Variants in FHAD1 observed in about 807,000 individuals in gnomAD.
FHAD1 encodes forkhead-associated domain-containing protein 1.
A neutral mutation model predicts 191.3 loss-of-function variants in FHAD1; 146 were observed. The observed-to-expected ratio is 0.76, with a 90% CI of 0.67 to 0.88. The LOEUF (loss-of-function observed/expected upper bound fraction) is 0.88. Ranked by LOEUF, FHAD1 falls within the 40% of genes least tolerant of loss-of-function variation. FHAD1 has a pLI of 0.00. For synonymous variants in FHAD1, 616 were observed against 672.3 expected (o/e 0.92, Z 1.29); for missense variants, 1,635 against 1,785.8 (o/e 0.92, Z 1.52).
chr1:15,277,372 C>T lies in FHAD1; in HGVS notation c.300+4843C>T, dbSNP rs74053873. On this transcript the variant is annotated intron_variant, in intron 3 of 33. Coordinates refer to ENST00000688493, the MANE Select transcript of FHAD1 (RefSeq NM_001391957.1). Reference sequence around the variant, plus strand: ...GTTCAAACTCCAATGGCAATCTAGCCTTTCTGAGCCTCAGTTTCCAACTTT... The same window carrying T: ...GTTCAAACTCCAATGGCAATCTAGCTTTTCTGAGCCTCAGTTTCCAACTTT... Among the ~76,000 whole-genome samples the T allele has an allele frequency of 9.0e-3, 1,371 of 152,296 alleles. 24 individuals carry two copies. Among genetic ancestry groups the T allele is most frequent in the African/African-American group, 0.031 (1,292 of 41,550 alleles).
At chr1:15,353,345 C>CT (rs1396052023) in intron 20 of FHAD1, among the ~76,000 whole-genome samples, 1 of 152,166 alleles carries the variant, frequency 6.6e-6, no homozygotes, top group African/African-American at 2.4e-5. Context: ...CTCCCCAATG[C>CT]TAAATCTTCA....
At chr1:15,257,321 G>A (rs1250548128) in intron 2 of FHAD1, among the ~76,000 whole-genome samples, 1 of 152,162 alleles carries the variant, frequency 6.6e-6, no homozygotes, top group Non-Finnish European at 1.5e-5. Context: ...TCATCCAAGA[G>A]GCGAAACATG....
intron 18 of FHAD1, 27 bp downstream of exon 18, chr1:15,345,550 G>A: frequency 6.5e-7 from 1 of 1,537,800 alleles, no homozygotes. Context: ...AGAGTCGGCT[G>A]AGCCCCAGTC....
chr1:15,347,338 C>T (rs1689260443), intron 18 of FHAD1, among the ~76,000 whole-genome samples: 1 of 152,214 alleles, frequency 6.6e-6, no homozygotes, highest in Admixed American at 6.5e-5. Context: ...TGCAGAGGAT[C>T]TGTGGTTGGG....
At chr1:15,280,999 T>A (rs1196838284) in intron 3 of FHAD1, among the ~76,000 whole-genome samples, 1 of 152,226 alleles carries the variant, frequency 6.6e-6, no homozygotes, top group African/African-American at 2.4e-5. Context: ...GGAAATAGTA[T>A]GTAACTTGGC....
chr1:15,372,094 G>A (rs1698258592), intron 26 of FHAD1, among the ~76,000 whole-genome samples: 1 of 152,182 alleles, frequency 6.6e-6, no homozygotes, highest in Non-Finnish European at 1.5e-5. Context: ...AGCGCTCTGA[G>A]GAACTGCACA....
chr1:15,305,837 T>G (rs1197888894), intron 6 of FHAD1: 1 of 411,114 alleles, frequency 2.4e-6, no homozygotes, highest in Admixed American at 2.8e-5. Context: ...CAATTAAATC[T>G]CTTTTTCTTC....
At chr1:15,324,788 C>G (rs536005961) in intron 11 of FHAD1, 2 of 531,144 alleles carry the variant, frequency 3.8e-6, no homozygotes, top group South Asian at 2.5e-5. Context: ...TACGATGACC[C>G]GAGACCCGGA....
intron 20 of FHAD1, 110 bp downstream of exon 20, chr1:15,353,094 G>A (rs976611076): frequency 3.6e-5 from 27 of 751,984 alleles, no homozygotes; most frequent in South Asian, 2.4e-4. Flanking sequence ...CTGGCTGGGG[G>A]ACTTCAGGCT....
chr1:15,254,877 G>T (rs114422924), intron 2 of FHAD1, among the ~76,000 whole-genome samples: 270 of 152,232 alleles, frequency 1.8e-3, no homozygotes, highest in African/African-American at 6.3e-3. Flanking sequence ...GGGATGTGGG[G>T]GACACAGGTC....
At chr1:15,341,297 T>G (rs1686577306) in intron 15 of FHAD1, among the ~76,000 whole-genome samples, 1 of 152,234 alleles carries the variant, frequency 6.6e-6, no homozygotes, top group South Asian at 2.1e-4. Flanking sequence ...CTCCTTATTT[T>G]TCAGATAAGG....
At chr1:15,303,426 T>A (rs947984972) in intron 6 of FHAD1, among the ~76,000 whole-genome samples, 10 of 152,362 alleles carry the variant, frequency 6.6e-5, no homozygotes, top group African/African-American at 2.4e-4. Context: ...AAGTGAAGTG[T>A]CTTGTCCAGA....
intron 23 of FHAD1, among the ~76,000 whole-genome samples, chr1:15,363,478 A>G (rs1321738884): frequency 6.6e-6 from 1 of 152,170 alleles, no homozygotes; most frequent in African/African-American, 2.4e-5. Context: ...AAGTCACGCC[A>G]CCTCACTGAG....
chr1:15,372,085 G>A (rs1383534006), intron 26 of FHAD1, among the ~76,000 whole-genome samples: 1 of 152,204 alleles, frequency 6.6e-6, no homozygotes, highest in Non-Finnish European at 1.5e-5. Flanking sequence ...GTGGGAATAA[G>A]CGCTCTGAGG....
chr1:15,281,332 G>A (rs767231272), intron 3 of FHAD1, among the ~76,000 whole-genome samples: 3 of 152,190 alleles, frequency 2.0e-5, no homozygotes, highest in African/African-American at 4.8e-5. Flanking sequence ...TAAGATCAGA[G>A]GAAGTAGAGG....
At chr1:15,245,097 G>A (rs1490721091), upstream of FHAD1, among the ~76,000 whole-genome samples, 4 of 152,194 alleles carry the variant, frequency 2.6e-5, no homozygotes, top group Non-Finnish European at 5.9e-5. Flanking sequence ...CTGATAGAGT[G>A]AGAACTCATG....
Position 15,281,271 on chromosome 1 carries a change from T to G in FHAD1, c.301-8128T>G, listed in dbSNP as rs143642368. On this transcript the variant is annotated intron_variant, in intron 3 of 33. Transcript: ENST00000688493. ...CAGTGTGCCTCCTTTCCCCCTTCTT[T>G]CTTGCCCCTTCCTGTCCTTGTAATT... Among the ~76,000 whole-genome samples, 8 of 152,246 alleles carry G rather than the reference T, an allele frequency of 5.3e-5. No individual in the cohort carries two copies. The East Asian group carries it at 1.5e-3, about 29-fold the overall frequency.
intron 21 of FHAD1, among the ~76,000 whole-genome samples, chr1:15,358,830 G>A (rs938348052): frequency 1.3e-5 from 2 of 152,182 alleles, no homozygotes; most frequent in Non-Finnish European, 2.9e-5. Flanking sequence ...AATTCATGAA[G>A]GTGAATCTCC....
chr1:15,290,957 G>A (rs893430677), intron 4 of FHAD1, among the ~76,000 whole-genome samples: 26 of 151,968 alleles, frequency 1.7e-4, no homozygotes, highest in Admixed American at 1.0e-3. Flanking sequence ...CTTGTGATCC[G>A]CCCACCTCGG....
Sources: gnomAD v4.1 joint callset for allele counts (sites outside exome capture counted in the v4.1 genomes callset) on GRCh38, gnomAD v4.1.1 for gene constraint, MANE v1.5 for transcripts, NCBI Gene and HGNC (gene_info 2026-07-23, HGNC 2026-07-21) for gene names.